Variants in LDB2 observed in about 807,000 individuals in gnomAD.
LDB2 encodes LIM domain binding 2, also known as LIM domain-binding protein 2.
In LDB2, 12 loss-of-function variants were observed where a neutral mutation model predicts 44.3. The ratio of observed to expected loss-of-function variants is 0.27; its 90% CI spans 0.17 to 0.44. The LOEUF (loss-of-function observed/expected upper bound fraction) is 0.44, where lower values mean the gene tolerates loss of function less well. LDB2 is among the 20% of genes least tolerant of loss of function. The probability of loss-of-function intolerance (pLI) is 1.00; values close to 1 mark genes in which losing one functional copy is unlikely to be tolerated. For synonymous variants in LDB2, 164 were observed against 174.8 expected, an observed-to-expected ratio of 0.94 and a Z score of 0.49; for missense variants, 344 against 473.5, an observed-to-expected ratio of 0.73 and a Z score of 2.54.
At chr4:16,599,017 G>T (rs1038202798) in intron 2 of LDB2, among the ~76,000 whole-genome samples, 2 of 152,060 alleles carry the variant, frequency 1.3e-5, no homozygotes, top group Admixed American at 1.3e-4. Flanking sequence ...AGGAAGTGAT[G>T]AGAGCGATCA....
chr4:16,659,689 A>ATATATATATATATATATATGTATG (rs1310756163), intron 2 of LDB2, among the ~76,000 whole-genome samples: 24 of 140,650 alleles, frequency 1.7e-4, no homozygotes, highest in East Asian at 4.6e-4. Context: ...ATATATATAT[A>ATATATATATATATATATATGTATG]TATGTATGTA....
At chr4:16,856,662 C>T (rs1224520271) in intron 1 of LDB2, among the ~76,000 whole-genome samples, 1 of 152,110 alleles carries the variant, frequency 6.6e-6, no homozygotes, top group Non-Finnish European at 1.5e-5. Flanking sequence ...TGTAATTCTA[C>T]CCTTAAGTAC....
At chr4:16,591,735 A>G (rs1237332012) in intron 3 of LDB2, among the ~76,000 whole-genome samples, 1 of 152,198 alleles carries the variant, frequency 6.6e-6, no homozygotes, top group African/African-American at 2.4e-5. Context: ...AAGAAAAAAT[A>G]TATATGTATT....
intron 1 of LDB2, among the ~76,000 whole-genome samples, chr4:16,859,308 G>A (rs1441786168): frequency 6.6e-6 from 1 of 152,220 alleles, no homozygotes; most frequent in Non-Finnish European, 1.5e-5. Flanking sequence ...TGTAAGTAGT[G>A]AATATACAGA....
At chr4:16,692,524 A>G (rs1260726195) in intron 2 of LDB2, among the ~76,000 whole-genome samples, 1 of 152,136 alleles carries the variant, frequency 6.6e-6, no homozygotes, top group East Asian at 1.9e-4. Flanking sequence ...CAGTCATACA[A>G]GTTTAATTTT....
At position 16,630,725 on chromosome 4, in the gene LDB2, G is replaced by A. The variant is rs189298553; in HGVS notation, c.236-34850C>T. Among the ~76,000 whole-genome samples the A allele has an allele frequency of 5.3e-5, 8 of 152,228 alleles. No homozygotes were observed. In the East Asian group the frequency reaches 1.5e-3, roughly 29 times the overall value. On this transcript the variant is annotated intron_variant, in intron 2 of 7. Transcript: ENST00000304523. ...ATTCAAAGATGCACATAGGCTCAAAGTAAAGGGATGGAGGAAGATCTACCA... is the reference window on the plus strand; with the variant it reads ...ATTCAAAGATGCACATAGGCTCAAAATAAAGGGATGGAGGAAGATCTACCA...
chr4:16,655,514 T>C (rs538162813), intron 2 of LDB2, among the ~76,000 whole-genome samples: 1 of 152,272 alleles, frequency 6.6e-6, no homozygotes, highest in South Asian at 2.1e-4. Flanking sequence ...TAACCCACAA[T>C]CGTCCGTTAC....
Position 16,816,575 on chromosome 4 carries a change from A to ATT in LDB2, c.133-57317_133-57316dup, listed in dbSNP as rs71181188. On this transcript the variant is annotated intron_variant, in intron 1 of 7. Coordinates refer to ENST00000304523, the MANE Select transcript of LDB2 (RefSeq NM_001290.5). ...AGGCGCCTGCCACCACATCCAACTA[A>ATT]TTTTTTTGTATTTTTAGTAGAGACA... Among the ~76,000 whole-genome samples the ATT allele has an allele frequency of 4.0e-5, 6 of 150,682 alleles. 1 individual carries two copies. Among genetic ancestry groups the ATT allele is most frequent in the Non-Finnish European group, 5.9e-5 (4 of 67,690 alleles).
intron 5 of LDB2, among the ~76,000 whole-genome samples, chr4:16,585,507 A>T (rs1716459108): frequency 1.3e-5 from 2 of 152,092 alleles, no homozygotes; most frequent in Non-Finnish European, 2.9e-5. Context: ...ACGGGATTGG[A>T]TTTCTTCAGG....
intron 2 of LDB2, among the ~76,000 whole-genome samples, chr4:16,606,844 A>T (rs1460455475): frequency 6.6e-6 from 1 of 152,220 alleles, no homozygotes; most frequent in African/African-American, 2.4e-5. Flanking sequence ...ACCAATGGGG[A>T]CACCCTAAGT....
At chr4:16,685,538 A>G (rs1338430805) in intron 2 of LDB2, among the ~76,000 whole-genome samples, 3 of 152,194 alleles carry the variant, frequency 2.0e-5, no homozygotes, top group African/African-American at 7.2e-5. Flanking sequence ...GAATGGACCT[A>G]ATATTCTCTA....
At chr4:16,868,987 G>A (rs758469923) in intron 1 of LDB2, among the ~76,000 whole-genome samples, 1 of 152,028 alleles carries the variant, frequency 6.6e-6, no homozygotes, top group Non-Finnish European at 1.5e-5. Context: ...TGAAGATGAT[G>A]ACATTATTGG....
intron 1 of LDB2, among the ~76,000 whole-genome samples, chr4:16,801,045 C>A (rs1777733436): frequency 6.6e-6 from 1 of 152,238 alleles, no homozygotes; most frequent in Non-Finnish European, 1.5e-5. Flanking sequence ...ACTTCGGATG[C>A]ATGACCCTGA....
chr4:16,640,599 C>T (rs1578404630), intron 2 of LDB2, among the ~76,000 whole-genome samples: 2 of 152,300 alleles, frequency 1.3e-5, no homozygotes, highest in African/African-American at 4.8e-5. Context: ...ATTAAAACTA[C>T]TTGTTATATG....
At chr4:16,656,867 AATT>A (rs760516476) in intron 2 of LDB2, among the ~76,000 whole-genome samples, 12 of 152,222 alleles carry the variant, frequency 7.9e-5, no homozygotes, top group African/African-American at 2.7e-4. Flanking sequence ...ATTAAATTAA[AATT>A]ATTGTTTTAA....
chr4:16,573,509 G>T (rs1343648078), intron 5 of LDB2, among the ~76,000 whole-genome samples: 3 of 152,142 alleles, frequency 2.0e-5, no homozygotes, highest in African/African-American at 7.2e-5. Flanking sequence ...AGTTATAGTA[G>T]TCTTAAAGTT....
chr4:16,765,005 T>G (rs1378981056), intron 1 of LDB2, among the ~76,000 whole-genome samples: 1 of 152,240 alleles, frequency 6.6e-6, no homozygotes, highest in Non-Finnish European at 1.5e-5. Flanking sequence ...GGAGGTGCAT[T>G]GAGACTGACC....
chr4:16,802,652 G>A (rs1778061253), intron 1 of LDB2, among the ~76,000 whole-genome samples: 1 of 152,182 alleles, frequency 6.6e-6, no homozygotes, highest in African/African-American at 2.4e-5. Context: ...CTATGTGACT[G>A]ATATGGTTTG....
intron 2 of LDB2, among the ~76,000 whole-genome samples, chr4:16,604,255 A>C (rs1332715801): frequency 6.6e-6 from 1 of 152,156 alleles, no homozygotes; most frequent in Non-Finnish European, 1.5e-5. Context: ...TGGTTAATGG[A>C]ATTTTAAAAC....
Sources: gnomAD v4.1 joint callset for allele counts (sites outside exome capture counted in the v4.1 genomes callset) on GRCh38, gnomAD v4.1.1 for gene constraint, MANE v1.5 for transcripts, NCBI Gene and HGNC (gene_info 2026-07-23, HGNC 2026-07-21) for gene names.